Variants in EPB41L1 observed in about 807,000 individuals in gnomAD.
The protein encoded by EPB41L1 is band 4.1-like protein 1.
A neutral mutation model predicts 97.8 loss-of-function variants in EPB41L1; 29 were observed. The observed-to-expected ratio is 0.30, with a 90% CI of 0.22 to 0.40. The LOEUF (loss-of-function observed/expected upper bound fraction) is 0.40, where lower values mean the gene tolerates loss of function less well. Ranked by LOEUF, EPB41L1 falls within the 10% of genes least tolerant of loss-of-function variation. The probability of loss-of-function intolerance (pLI) is 1.00; values close to 1 mark genes in which losing one functional copy is unlikely to be tolerated. For missense variants in EPB41L1, 812 were observed against 1,162.3 expected (o/e 0.70, Z 4.38); for synonymous variants, 383 against 459.2 (o/e 0.83, Z 2.12).
chr20:36,128,582 G>A (rs2059064834), intron 2 of EPB41L1, among the ~76,000 whole-genome samples: 1 of 152,184 alleles, frequency 6.6e-6, no homozygotes, highest in African/African-American at 2.4e-5. Flanking sequence ...AATTGGTACT[G>A]GCCCTGCCTT....
intron 11 of EPB41L1, among the ~76,000 whole-genome samples, chr20:36,192,182 T>C (rs2061984634): frequency 6.6e-6 from 1 of 151,140 alleles, no homozygotes; most frequent in South Asian, 2.1e-4. Context: ...GCTCACACCA[T>C]TGCATTCCAG....
rs2057679803 is a variant in EPB41L1, at chr20:36,092,177, T to TG, written c.-65+567dup. On this transcript the variant is annotated intron_variant, in intron 1 of 19. Transcript: ENST00000202028. This position sits in a 1 kb window ranked among gnomAD's most constrained non-coding sequence, Gnocchi z 7.0. Reference sequence around the variant, plus strand: ...AAAAGGGTGGGCGTGGGCCAGGTCCTGGCTGGAGGTAGACGAGGTCGGCGA... The same window carrying TG: ...AAAAGGGTGGGCGTGGGCCAGGTCCTGGGCTGGAGGTAGACGAGGTCGGCGA... 6.6e-6 allele frequency among the ~76,000 whole-genome samples: 1 copy of TG among 152,116 alleles called. No homozygotes were observed. Among genetic ancestry groups the TG allele is most frequent in the Non-Finnish European group, 1.5e-5 (1 of 68,000 alleles).
At position 36,190,754 on chromosome 20, in the gene EPB41L1, T is replaced by C. The variant is rs762997543; in HGVS notation, c.1257T>C (p.Arg419=). ...LIDRPAPFFE[R]SSSKRYTMSR... The stretch of plus-strand genomic sequence containing the variant: ...ACCGGCCTGCACCCTTCTTTGAGCG[T>C]TCTTCCAGCAAACGGTACACCATGT... The change falls in exon 11 of 22, where the codon CGT becomes CGC. Residue 419 remains arginine, a synonymous_variant. Transcript: ENST00000338074. The surrounding 1 kb of genome is among the most constrained non-coding windows in gnomAD (Gnocchi z 5.8). The C allele has an allele frequency of 6.2e-7, 1 of 1,614,138 alleles. No homozygotes were observed. Among genetic ancestry groups the C allele is most frequent in the Non-Finnish European group, 8.5e-7 (1 of 1,180,036 alleles).
chr20:36,148,402 A>C (rs1460833025), intron 2 of EPB41L1, among the ~76,000 whole-genome samples: 5 of 152,124 alleles, frequency 3.3e-5, no homozygotes, highest in Non-Finnish European at 7.3e-5. Flanking sequence ...AACTATGGGA[A>C]ATGGGAAGAG....
chr20:36,202,364 G>T (rs958136622), intron 14 of EPB41L1, among the ~76,000 whole-genome samples: 3 of 152,182 alleles, frequency 2.0e-5, no homozygotes, highest in African/African-American at 7.2e-5. Context: ...GCCCGCTACC[G>T]CTCTGCATCC....
At chr20:36,097,865 G>A (rs2147472364) in intron 1 of EPB41L1, among the ~76,000 whole-genome samples, 1 of 152,342 alleles carries the variant, frequency 6.6e-6, no homozygotes, top group East Asian at 1.9e-4. Context: ...GAAGATTAGG[G>A]ACAGATCTGG....
chr20:36,229,493 T>G lies in EPB41L1; in HGVS notation c.*153T>G, dbSNP rs905625710. 3 of 702,448 alleles carry G rather than the reference T, an allele frequency of 4.3e-6. No homozygotes were observed. The highest frequency in any genetic ancestry group is 7.7e-6 in the Non-Finnish European group (3 of 389,742). The allele number at this position is 702,448 out of a possible 1,614,324, so 43.5% of individuals were successfully genotyped here. On this transcript the variant is annotated 3_prime_UTR_variant, in exon 22 of 22. Coordinates refer to ENST00000338074, the MANE Select transcript of EPB41L1 (RefSeq NM_012156.2). ...GACTGGGAAGGGAAAAGCATATATA[T>G]ATAGATATATAGAGATATAGATATA...
intron 2 of EPB41L1, among the ~76,000 whole-genome samples, chr20:36,124,975 G>A (rs1037632656): frequency 2.0e-5 from 3 of 152,134 alleles, no homozygotes; most frequent in African/African-American, 7.2e-5. Flanking sequence ...ATGCACTCGT[G>A]CCAGATCTTG....
chr20:36,122,286 C>T (rs1439526760), intron 2 of EPB41L1, among the ~76,000 whole-genome samples: 2 of 152,160 alleles, frequency 1.3e-5, no homozygotes, highest in Non-Finnish European at 2.9e-5. Flanking sequence ...GAGGAGGGGG[C>T]GATGCAGAGG....
chr20:36,148,308 G>A (rs1231243275), intron 2 of EPB41L1, among the ~76,000 whole-genome samples: 1 of 152,206 alleles, frequency 6.6e-6, no homozygotes. Flanking sequence ...GAGACAGAGA[G>A]GCCAAGAGGT....
chr20:36,144,792 A>G (rs2059773448), intron 2 of EPB41L1, among the ~76,000 whole-genome samples: 1 of 152,256 alleles, frequency 6.6e-6, no homozygotes, highest in Non-Finnish European at 1.5e-5. Flanking sequence ...AGTAACATTT[A>G]TTGAATACTT....
At chr20:36,096,216 C>A (rs1295196620) in intron 1 of EPB41L1, among the ~76,000 whole-genome samples, 1 of 152,132 alleles carries the variant, frequency 6.6e-6, no homozygotes, top group Non-Finnish European at 1.5e-5. Flanking sequence ...TGGAAAGCCT[C>A]CCCTGTCCCT....
intron 1 of EPB41L1, among the ~76,000 whole-genome samples, chr20:36,166,160 G>C (rs1437668172): frequency 6.6e-6 from 1 of 152,226 alleles, no homozygotes; most frequent in Non-Finnish European, 1.5e-5. Context: ...TTGTCTCTTT[G>C]TGTTCTATCC....
intron 7 of EPB41L1, among the ~76,000 whole-genome samples, chr20:36,186,687 G>A (rs747232898): frequency 1.3e-5 from 2 of 152,176 alleles, no homozygotes; most frequent in Non-Finnish European, 2.9e-5. Context: ...GTCCTAGATA[G>A]CAAGACATCT....
At chr20:36,111,786 CAAAAAAAAAA>C (rs397731410) in intron 1 of EPB41L1, among the ~76,000 whole-genome samples, 1 of 90,218 alleles carries the variant, frequency 1.1e-5, no homozygotes, top group South Asian at 4.1e-4. Context: ...GACTCTGTCT[CAAAAAAAAAA>C]AAAAAAAAGA....
intron 2 of EPB41L1, among the ~76,000 whole-genome samples, chr20:36,137,044 A>G (rs2059443332): frequency 6.7e-6 from 1 of 148,906 alleles, no homozygotes; most frequent in African/African-American, 2.5e-5. Context: ...ATGCCTGGCT[A>G]AGTTTTTCTT....
At chr20:36,220,172 G>C (rs1419266433) in intron 19 of EPB41L1, among the ~76,000 whole-genome samples, 2 of 152,280 alleles carry the variant, frequency 1.3e-5, no homozygotes, top group Non-Finnish European at 2.9e-5. Context: ...GAGTCAGGAA[G>C]CATCTCCTGG....
chr20:36,104,515 T>G (rs1207430961), intron 1 of EPB41L1, among the ~76,000 whole-genome samples: 1 of 151,768 alleles, frequency 6.6e-6, no homozygotes, highest in Non-Finnish European at 1.5e-5. Flanking sequence ...GCCGGGAAGA[T>G]GGGGTAGAAA....
intron 1 of EPB41L1, among the ~76,000 whole-genome samples, chr20:36,111,109 C>T (rs2058386428): frequency 6.6e-6 from 1 of 152,168 alleles, no homozygotes; most frequent in Non-Finnish European, 1.5e-5. Flanking sequence ...ATTTAGTCCC[C>T]CCATTAGCCC....
Sources: gnomAD v4.1 joint callset for allele counts (sites outside exome capture counted in the v4.1 genomes callset) on GRCh38, gnomAD v4.1.1 for gene constraint, Gnocchi (gnomAD v3.1) non-coding constraint, MANE v1.5 for transcripts, NCBI Gene and HGNC (gene_info 2026-07-23, HGNC 2026-07-21) for gene names.